The following CNGB3 variants were observed in gnomAD, a reference collection of about 807,000 sequenced individuals.
The protein encoded by CNGB3 is cyclic nucleotide-gated channel beta-3.
Under a neutral mutation model 92.8 loss-of-function variants are expected in CNGB3, and 86 were observed. The ratio of observed to expected loss-of-function variants is 0.93; its 90% CI spans 0.78 to 1.11. The LOEUF is 1.11. CNGB3 is among the 50% of genes least tolerant of loss of function. The probability of loss-of-function intolerance (pLI) is 0.00; values close to 1 mark genes in which losing one functional copy is unlikely to be tolerated. For synonymous variants in CNGB3, 333 were observed against 332.7 expected (o/e 1.00, Z -0.01); for missense variants, 1,026 against 956.8 (o/e 1.07, Z -0.95).
chr8:86,612,195 A>G (rs1256110073), intron 13 of CNGB3, among the ~76,000 whole-genome samples: 1 of 152,142 alleles, frequency 6.6e-6, no homozygotes, highest in African/African-American at 2.4e-5. Context: ...GGGAAAAAAA[A>G]AGTACACAAT....
At chr8:86,674,877 T>C (rs1355724132) in intron 3 of CNGB3, among the ~76,000 whole-genome samples, 4 of 151,232 alleles carry the variant, frequency 2.6e-5, no homozygotes, top group Non-Finnish European at 4.4e-5. Flanking sequence ...CCTCAGTCTC[T>C]TGGGTTGCTG....
chr8:86,658,444 T>G lies in CNGB3; in HGVS notation c.853-4382A>C, dbSNP rs75673133. ...CTGGTAGCTTCCAGGTGCTCCTGGG[T>G]CTCCTGCAACCCTTGGCAGGCCATC... is the stretch of plus-strand genomic sequence containing the variant. On this transcript the variant is annotated intron_variant, in intron 6 of 17. Transcript: ENST00000320005. The G allele has an allele frequency of 4.0e-3, 1,672 of 420,038 alleles. 27 individuals carry two copies. Among genetic ancestry groups the G allele is most frequent in the African/African-American group, 0.032 (1,516 of 47,942 alleles). 26.0% of individuals were successfully genotyped at this position (420,038 alleles called of 1,614,324 possible).
At chr8:86,728,532 G>C (rs576149108) in intron 2 of CNGB3, among the ~76,000 whole-genome samples, 1 of 152,150 alleles carries the variant, frequency 6.6e-6, no homozygotes, top group Admixed American at 6.5e-5. Context: ...TTGTATTGCT[G>C]TCTGTGAAAG....
intron 2 of CNGB3, among the ~76,000 whole-genome samples, chr8:86,736,233 G>C (rs1418686842): frequency 6.6e-6 from 1 of 152,126 alleles, no homozygotes. Flanking sequence ...GCACATATCA[G>C]AGGCTATCTT....
chr8:86,729,428 A>C (rs1447425705), intron 2 of CNGB3, among the ~76,000 whole-genome samples: 1 of 152,194 alleles, frequency 6.6e-6, no homozygotes, highest in East Asian at 1.9e-4. Flanking sequence ...TTAGCAACTT[A>C]CCAGATCTTC....
intron 3 of CNGB3, among the ~76,000 whole-genome samples, chr8:86,725,071 C>T (rs919980209): frequency 2.0e-5 from 3 of 152,040 alleles, no homozygotes; most frequent in East Asian, 3.9e-4. Context: ...GGAATGAATA[C>T]GGATTAAAAA....
At chr8:86,624,827 C>T (rs143192226) in intron 13 of CNGB3, among the ~76,000 whole-genome samples, 6 of 152,260 alleles carry the variant, frequency 3.9e-5, no homozygotes, top group East Asian at 3.9e-4. Context: ...CAATGTTGGA[C>T]GTGGAGCCTG....
chr8:86,641,774 T>C (rs1386862060), intron 10 of CNGB3, among the ~76,000 whole-genome samples: 1 of 151,982 alleles, frequency 6.6e-6, no homozygotes, highest in Non-Finnish European at 1.5e-5. Flanking sequence ...TCTTACTTTC[T>C]AGGGAACTCA....
intron 3 of CNGB3, among the ~76,000 whole-genome samples, chr8:86,687,224 G>C (rs949933566): frequency 2.0e-5 from 3 of 151,962 alleles, no homozygotes; most frequent in African/African-American, 4.8e-5. Context: ...CAGTTTGGCA[G>C]TTTCTCAAAA....
chr8:86,660,392 A>T, intron 6 of CNGB3: 1 of 448,924 alleles, frequency 2.2e-6, no homozygotes, highest in Non-Finnish European at 4.5e-6. Flanking sequence ...CAACTGATCC[A>T]GAGGAGAGTT....
chr8:86,725,484 CA>C (rs1487044976), intron 3 of CNGB3, among the ~76,000 whole-genome samples: 1 of 152,090 alleles, frequency 6.6e-6, no homozygotes, highest in East Asian at 1.9e-4. Context: ...ATCTCTCTGC[CA>C]AAATAATATG....
intron 6 of CNGB3, chr8:86,660,271 G>T (rs1290847833): frequency 1.3e-5 from 4 of 318,170 alleles, no homozygotes; most frequent in East Asian, 1.6e-4. Context: ...AATTTGCTCT[G>T]TAGGGTTTCT....
chr8:86,594,062 C>A, intron 15 of CNGB3: 1 of 344,186 alleles, frequency 2.9e-6, no homozygotes, highest in East Asian at 7.4e-5. Context: ...TAATACATGC[C>A]CAGTTTTGTG....
chr8:86,617,169 C>G (rs1822637404), intron 13 of CNGB3, among the ~76,000 whole-genome samples: 1 of 152,146 alleles, frequency 6.6e-6, no homozygotes. Context: ...TTCTTGTACC[C>G]AGGAAATTCC....
intron 3 of CNGB3, among the ~76,000 whole-genome samples, chr8:86,676,287 A>G (rs1236876550): frequency 6.6e-6 from 1 of 152,150 alleles, no homozygotes. Context: ...TTTACAGCAG[A>G]GGTGGTTTCC....
At chr8:86,678,196 C>T (rs1369141183) in intron 3 of CNGB3, among the ~76,000 whole-genome samples, 1 of 151,984 alleles carries the variant, frequency 6.6e-6, no homozygotes, top group Non-Finnish European at 1.5e-5. Flanking sequence ...AAAGTTACAT[C>T]TGAAAAAAAA....
At chr8:86,591,359 C>A (rs1369285685) in intron 15 of CNGB3, among the ~76,000 whole-genome samples, 2 of 152,006 alleles carry the variant, frequency 1.3e-5, no homozygotes, top group Non-Finnish European at 1.5e-5. Context: ...CATTCTCCGT[C>A]CAGCTTTGTT....
At chr8:86,586,659 C>T (rs1050979394) in intron 15 of CNGB3, among the ~76,000 whole-genome samples, 2 of 151,490 alleles carry the variant, frequency 1.3e-5, no homozygotes, top group African/African-American at 4.9e-5. Flanking sequence ...CTACAAAGGA[C>T]ATGAATTCAT....
chr8:86,645,895 A>C (rs183118602), intron 8 of CNGB3, among the ~76,000 whole-genome samples: 37 of 151,308 alleles, frequency 2.4e-4, no homozygotes, highest in Admixed American at 6.6e-4. Context: ...TATAGATGAT[A>C]AATATTTATC....
Sources: gnomAD v4.1 joint callset for allele counts (sites outside exome capture counted in the v4.1 genomes callset) on GRCh38, gnomAD v4.1.1 for gene constraint, MANE v1.5 for transcripts, NCBI Gene and HGNC (gene_info 2026-07-23, HGNC 2026-07-21) for gene names.